The following MSRB3 variants were observed in gnomAD, a reference collection of about 807,000 sequenced individuals.
The protein encoded by MSRB3 is methionine-R-sulfoxide reductase B3.
A neutral mutation model predicts 21.0 loss-of-function variants in MSRB3; 13 were observed. The ratio of observed to expected loss-of-function variants is 0.62; its 90% CI spans 0.40 to 0.98. MSRB3 has a LOEUF of 0.98. Ranked by LOEUF, MSRB3 falls within the 50% of genes least tolerant of loss-of-function variation. The pLI is 0.00. For synonymous variants in MSRB3, 87 were observed against 88.6 expected (o/e 0.98, Z 0.10); for missense variants, 199 against 230.3 (o/e 0.86, Z 0.88).
intron 4 of MSRB3, among the ~76,000 whole-genome samples, chr12:65,337,986 C>T (rs1017222963): frequency 8.5e-5 from 13 of 152,156 alleles, no homozygotes; most frequent in African/African-American, 3.1e-4. Context: ...TAGCCCCCAC[C>T]TCTACTCCAT....
At chr12:65,394,658 A>T (rs1007545005) in intron 5 of MSRB3, among the ~76,000 whole-genome samples, 1 of 152,236 alleles carries the variant, frequency 6.6e-6, no homozygotes, top group African/African-American at 2.4e-5. Flanking sequence ...CTGTAGGTCA[A>T]TGTCTTTTAT....
At chr12:65,372,238 G>A (rs947793491) in intron 5 of MSRB3, among the ~76,000 whole-genome samples, 1 of 152,142 alleles carries the variant, frequency 6.6e-6, no homozygotes, top group African/African-American at 2.4e-5. Flanking sequence ...TATTTGTGGT[G>A]AATTGTATAA....
chr12:65,351,170 A>G (rs892008010), intron 4 of MSRB3, among the ~76,000 whole-genome samples: 40 of 150,880 alleles, frequency 2.7e-4, no homozygotes, highest in African/African-American at 9.2e-4. Flanking sequence ...ACTCAAAACC[A>G]CTCAACTACA....
At chr12:65,335,145 T>C (rs949982950) in intron 4 of MSRB3, among the ~76,000 whole-genome samples, 2 of 152,094 alleles carry the variant, frequency 1.3e-5, no homozygotes, top group African/African-American at 2.4e-5. Context: ...CAAACAGGTG[T>C]AAAAACTAAA....
intron 6 of MSRB3, 139 bp from the exon 7 acceptor site, chr12:65,463,016 C>T (rs1883398876): frequency 1.9e-6 from 2 of 1,051,424 alleles, no homozygotes; most frequent in Admixed American, 3.7e-5. Context: ...CGGCTATTGA[C>T]AGGCGGATTA....
intron 2 of MSRB3, among the ~76,000 whole-genome samples, chr12:65,320,941 A>G (rs1167323855): frequency 2.6e-5 from 4 of 152,152 alleles, no homozygotes; most frequent in Non-Finnish European, 5.9e-5. Flanking sequence ...CATCTCTTGC[A>G]TTGATCATTC....
At chr12:65,335,563 C>T (rs1042687361) in intron 4 of MSRB3, among the ~76,000 whole-genome samples, 4 of 152,184 alleles carry the variant, frequency 2.6e-5, no homozygotes, top group Admixed American at 2.0e-4. Flanking sequence ...TTCTGTTCAC[C>T]ACTAAAAGAG....
intron 5 of MSRB3, among the ~76,000 whole-genome samples, chr12:65,443,631 G>A (rs1882484652): frequency 6.6e-6 from 1 of 152,062 alleles, no homozygotes; most frequent in African/African-American, 2.4e-5. Context: ...TCAGTTCCCG[G>A]GGAGGGTTCT....
At chr12:65,298,853 T>C (rs1873141227) in intron 1 of MSRB3, among the ~76,000 whole-genome samples, 1 of 152,198 alleles carries the variant, frequency 6.6e-6, no homozygotes, top group African/African-American at 2.4e-5. Flanking sequence ...AAGGCTTATA[T>C]TTAGCTCACT....
chr12:65,375,603 A>AT (rs1284575921), intron 5 of MSRB3, among the ~76,000 whole-genome samples: 1 of 151,858 alleles, frequency 6.6e-6, no homozygotes, highest in African/African-American at 2.4e-5. Flanking sequence ...TGCCGGGCCA[A>AT]TTTAAAAAAC....
intron 5 of MSRB3, among the ~76,000 whole-genome samples, chr12:65,398,297 C>A (rs1162248420): frequency 6.6e-6 from 1 of 152,178 alleles, no homozygotes; most frequent in Non-Finnish European, 1.5e-5. Context: ...TTGATGATCA[C>A]CATTCTAACT....
intron 5 of MSRB3, among the ~76,000 whole-genome samples, chr12:65,442,401 A>C (rs1882427055): frequency 6.6e-6 from 1 of 152,076 alleles, no homozygotes; most frequent in Non-Finnish European, 1.5e-5. Flanking sequence ...TTTGTAGTGA[A>C]TAGCCCTAAT....
intron 5 of MSRB3, among the ~76,000 whole-genome samples, chr12:65,370,496 C>T (rs997172920): frequency 1.3e-5 from 2 of 152,086 alleles, no homozygotes; most frequent in African/African-American, 2.4e-5. Flanking sequence ...AAAATGAATA[C>T]GTCCACTAGG....
At chr12:65,286,849 C>A (rs1872380389) in intron 1 of MSRB3, 1 of 151,160 alleles carries the variant, frequency 6.6e-6, no homozygotes, top group African/African-American at 2.4e-5. Flanking sequence ...GACCTAGCCT[C>A]TACTAAAAAT....
intron 5 of MSRB3, among the ~76,000 whole-genome samples, chr12:65,377,692 A>G (rs1338333893): frequency 6.6e-6 from 1 of 152,248 alleles, no homozygotes; most frequent in Non-Finnish European, 1.5e-5. Context: ...ATAGAAATAC[A>G]TAACTAATGA....
chr12:65,433,295 T>C (rs1328714821), intron 5 of MSRB3, among the ~76,000 whole-genome samples: 2 of 152,002 alleles, frequency 1.3e-5, no homozygotes, highest in African/African-American at 2.4e-5. Context: ...CATATTCTGT[T>C]AAAATTTTCT....
In MSRB3 at chr12:65,414,841, TA is replaced by T. The variant is rs552936374; in HGVS notation, c.293-38885del. 4.6e-5 allele frequency among the ~76,000 whole-genome samples: 7 copies of T among 152,272 alleles called. No individual in the cohort carries two copies. The South Asian group carries it at 1.5e-3, about 32-fold the overall frequency. On this transcript the variant is annotated intron_variant, in intron 5 of 6. Transcript: ENST00000308259. ...AAAATGAGGAAGATTTCAGGTAGAA[TA>T]AGTTCAGGTGGGGCCTGGGGGAGTG...
At chr12:65,374,767 T>C (rs1878505919) in intron 5 of MSRB3, among the ~76,000 whole-genome samples, 1 of 152,220 alleles carries the variant, frequency 6.6e-6, no homozygotes, top group Non-Finnish European at 1.5e-5. Flanking sequence ...AATACCGTTC[T>C]ATTCTTTGTT....
rs1341230995 is a variant in MSRB3 at position 65,280,098 on chromosome 12, T to G, written c.-52+1233T>G. On this transcript the variant is annotated intron_variant, in intron 1 of 6. Coordinates refer to ENST00000308259, the MANE Select transcript of MSRB3 (RefSeq NM_001031679.3). Reference sequence around the variant, plus strand: ...GCAGCGCTGGTGGCAAGATCGATTTTCAAAAACAATTTTGTCTATAAAAAA... The same window carrying G: ...GCAGCGCTGGTGGCAAGATCGATTTGCAAAAACAATTTTGTCTATAAAAAA... Among the ~76,000 whole-genome samples the G allele has an allele frequency of 2.7e-4, 41 of 152,342 alleles. No homozygotes were observed. The South Asian group carries it at 8.3e-3, about 31-fold the overall frequency.
Sources: gnomAD v4.1 joint callset for allele counts (sites outside exome capture counted in the v4.1 genomes callset) on GRCh38, gnomAD v4.1.1 for gene constraint, MANE v1.5 for transcripts, NCBI Gene and HGNC (gene_info 2026-07-23, HGNC 2026-07-21) for gene names.